TET2: variants seen among roughly 807,000 people sequenced by gnomAD.
TET2 encodes methylcytosine dioxygenase TET2.
Under a neutral mutation model 142.9 loss-of-function variants are expected in TET2, and 299 were observed. The ratio of observed to expected loss-of-function variants is 2.09; its 90% confidence interval spans 1.90 to 2.30. The LOEUF is 2.30. Among genes scored for constraint, TET2 ranks in the 30% most tolerant of loss-of-function variants. TET2 has a pLI of 0.00. For synonymous variants in TET2, 819 were observed against 849.0 expected (o/e 0.96, Z 0.61); for missense variants, 2,418 against 2,378.0 (o/e 1.02, Z -0.35).
chr4:105,212,214 A>G (rs1033824030), intron 2 of TET2, among the ~76,000 whole-genome samples: 1 of 152,228 alleles, frequency 6.6e-6, no homozygotes. Flanking sequence ...TGAGAAGTCC[A>G]GGTTACCCAT....
intron 1 of TET2, among the ~76,000 whole-genome samples, chr4:105,148,736 T>A (rs1723157923): frequency 6.6e-6 from 1 of 152,228 alleles, no homozygotes; most frequent in African/African-American, 2.4e-5. Flanking sequence ...AAATATTGAT[T>A]TTTTTAAATG....
At chr4:105,216,397 G>T (rs113718817) in intron 2 of TET2, among the ~76,000 whole-genome samples, 1 of 151,952 alleles carries the variant, frequency 6.6e-6, no homozygotes. Flanking sequence ...AATCTGAAAT[G>T]CTCTTTTTCT....
chr4:105,243,605 GTGTT>G lies in TET2; in HGVS notation c.3633_3636del (p.Cys1211TrpfsTer14), dbSNP rs1560553340. The stretch of plus-strand genomic sequence containing the variant: ...GAAGCAGCAGTGAAGAGAAGCTACT[GTGTT>G]TGGTGCGGGAGCGAGCTGGCCACAC... On this transcript the variant is annotated frameshift_variant, in exon 6 of 11. Coordinates refer to ENST00000380013, the MANE Select transcript of TET2 (RefSeq NM_001127208.3). LOFTEE classifies it high-confidence loss of function. The G allele has an allele frequency of 6.4e-7, 1 of 1,551,536 alleles. No homozygotes were observed. Among genetic ancestry groups the G allele is most frequent in the Admixed American group, 2.0e-5 (1 of 50,974 alleles).
intron 4 of TET2, chr4:105,241,836 T>C (rs2110250405): frequency 1.6e-6 from 2 of 1,248,114 alleles, no homozygotes; most frequent in East Asian, 6.3e-5. Context: ...TAAATTCACC[T>C]AGTGTTGCAA....
At chr4:105,203,279 T>C (rs1183268067) in intron 2 of TET2, among the ~76,000 whole-genome samples, 2 of 152,228 alleles carry the variant, frequency 1.3e-5, no homozygotes, top group Admixed American at 6.5e-5. Flanking sequence ...TGTGGACTCA[T>C]ATTTGGCCTA....
chr4:105,169,797 T>G (rs1035878476), intron 1 of TET2, among the ~76,000 whole-genome samples: 9 of 152,212 alleles, frequency 5.9e-5, no homozygotes, highest in African/African-American at 2.2e-4. Context: ...CTTCTATATG[T>G]GGCTTACCAG....
Position 105,237,086 on chromosome 4 carries a change from C to T in TET2, c.3144C>T (p.Leu1048=), listed in dbSNP as rs1728986219. Residue 1048 remains leucine (L), a synonymous_variant, in exon 3 of 11, where the codon CTC becomes CTT. Transcript: ENST00000380013. The part of the protein sequence containing the change: ...KSLFDHKALT[L]KSQKQVKVEM... ...TATTTGACCATAAGGCTCTTACTCT[C>T]AAATCACAGAAGCAAGTAAAAGTTG... The T allele has an allele frequency of 3.1e-6, 5 of 1,614,164 alleles. No individual in the cohort carries two copies. The highest frequency in any genetic ancestry group is 1.1e-5 in the South Asian group (1 of 91,086).
intron 2 of TET2, among the ~76,000 whole-genome samples, chr4:105,204,912 C>CGA (rs1418541609): frequency 2.6e-5 from 4 of 152,032 alleles, no homozygotes; most frequent in African/African-American, 9.7e-5. Flanking sequence ...ATTAAGCCTA[C>CGA]TATATATATT....
At position 105,235,343 on chromosome 4, in the gene TET2, A is replaced by G. The variant is rs1728791184; in HGVS notation, c.1401A>G (p.Thr467=). Residue 467 remains threonine (T), a synonymous_variant, in exon 3 of 11, where the codon ACA becomes ACG. Transcript: ENST00000380013. ...APPSQSPNPS[T]HVCSPSPMLS... The stretch of plus-strand genomic sequence containing the variant: ...CTTCCCAGAGTCCTAATCCATCTAC[A>G]CATGTATGCAGCCCTTCTCCGATGC... 1.2e-6 allele frequency: 2 copies of G among 1,614,174 alleles called. No individual in the cohort carries two copies. The highest frequency in any genetic ancestry group is 1.7e-5 in the Admixed American group (1 of 60,030).
chr4:105,174,641 C>T (rs573304136), intron 1 of TET2, among the ~76,000 whole-genome samples: 13 of 152,090 alleles, frequency 8.5e-5, no homozygotes, highest in Non-Finnish European at 1.0e-4. Flanking sequence ...TCAGTGTGGG[C>T]GGTTGTTCAG....
At chr4:105,157,878 T>C (rs986071006) in intron 1 of TET2, among the ~76,000 whole-genome samples, 5 of 152,108 alleles carry the variant, frequency 3.3e-5, no homozygotes, top group African/African-American at 9.7e-5. Flanking sequence ...CGTTTCGCCA[T>C]GTAGGCTAGG....
At chr4:105,169,040 A>G (rs1578551649) in intron 1 of TET2, among the ~76,000 whole-genome samples, 1 of 152,214 alleles carries the variant, frequency 6.6e-6, no homozygotes, top group Admixed American at 6.5e-5. Context: ...TTGTGCTGCT[A>G]TAAATGTGTG....
At chr4:105,157,579 C>G (rs557314257) in intron 1 of TET2, among the ~76,000 whole-genome samples, 1 of 152,136 alleles carries the variant, frequency 6.6e-6, no homozygotes, top group African/African-American at 2.4e-5. Context: ...TGTTGGCTCA[C>G]CTTATTAATG....
chr4:105,274,933 G>A (rs979275555), intron 10 of TET2, 115 bp from the exon 11 acceptor site: 5 of 1,322,942 alleles, frequency 3.8e-6, no homozygotes, highest in South Asian at 1.7e-5. Flanking sequence ...CTTAATGGGT[G>A]TCGTATATCA....
At chr4:105,195,521 CA>C (rs1167680923) in intron 2 of TET2, among the ~76,000 whole-genome samples, 2 of 152,058 alleles carry the variant, frequency 1.3e-5, no homozygotes, top group Non-Finnish European at 2.9e-5. Flanking sequence ...TGTGGATCCT[CA>C]AGTCTCTTAT....
At chr4:105,209,049 G>GCATATATA (rs1553949668) in intron 2 of TET2, among the ~76,000 whole-genome samples, 5 of 44,316 alleles carry the variant, frequency 1.1e-4, no homozygotes, top group Non-Finnish European at 4.1e-4. Context: ...TCAAGGCATG[G>GCATATATA]TATATATATA....
chr4:105,257,422 C>T (rs1026487702), intron 6 of TET2, among the ~76,000 whole-genome samples: 9 of 152,224 alleles, frequency 5.9e-5, no homozygotes, highest in Non-Finnish European at 1.0e-4. Context: ...AGATAGCCAT[C>T]GAAGTCTTTG....
At chr4:105,238,994 G>T (rs1729118814) in intron 3 of TET2, 1 of 242,020 alleles carries the variant, frequency 4.1e-6, no homozygotes, top group African/African-American at 2.2e-5. Flanking sequence ...CATTAATCTT[G>T]TGCATCTCCA....
intron 1 of TET2, among the ~76,000 whole-genome samples, chr4:105,162,465 C>T (rs748757159): frequency 5.3e-5 from 8 of 152,222 alleles, no homozygotes; most frequent in Admixed American, 5.2e-4. Context: ...CTGCCCCACA[C>T]TGTTTATTTT....
Sources: allele counts gnomAD v4.1 joint callset (sites outside exome capture counted in the v4.1 genomes callset), GRCh38; gene constraint gnomAD v4.1.1; transcripts MANE v1.5; gene names NCBI Gene and HGNC (gene_info 2026-07-23, HGNC 2026-07-21).